LRP4: variants seen among roughly 807,000 people sequenced by gnomAD.
The protein encoded by LRP4 is low-density lipoprotein receptor-related protein 4.
LRP4 carries 95 observed loss-of-function variants against 220.3 expected under a neutral mutation model. The observed-to-expected ratio is 0.43, with a 90% CI of 0.37 to 0.51. The LOEUF (loss-of-function observed/expected upper bound fraction) is 0.51. Among genes scored for constraint, LRP4 ranks in the 20% least tolerant of loss-of-function variants. The pLI, the probability that LRP4 is intolerant of heterozygous loss-of-function variation, is 0.00. For synonymous variants in LRP4, 903 were observed against 954.6 expected (o/e 0.95, Z 1.00); for missense variants, 1,925 against 2,567.0 (o/e 0.75, Z 5.40).
At position 46,889,495 on chromosome 11, in the gene LRP4, G is replaced by A. The variant is rs372566777; in HGVS notation, c.2131C>T (p.His711Tyr). ...TTCTGGCCACTGGGCAGACACAGGT[G>A]CGTGCAGCCTCCGTTGTTGTCCCCA... ...RCGDNNGGCTHLCLPSGQNYT... is the reference protein window; with the variant it reads ...RCGDNNGGCTYLCLPSGQNYT... The change falls in exon 16 of 38, where the codon CAC (histidine) becomes TAC (tyrosine). Residue 711 changes from histidine to tyrosine, a missense_variant. Transcript: ENST00000378623. 6.2e-7 allele frequency: 1 copy of A among 1,614,082 alleles called. No homozygotes were observed. The highest frequency in any genetic ancestry group is 8.5e-7 in the Non-Finnish European group (1 of 1,180,024).
chr11:46,896,395 A>G, intron 8 of LRP4, 60 bp from the exon 9 acceptor site: 2 of 1,599,050 alleles, frequency 1.3e-6, no homozygotes, highest in Non-Finnish European at 1.7e-6. Context: ...AAGAGATGGG[A>G]GCCTGTCATT....
chr11:46,899,170 AGCC>A lies in LRP4; in HGVS notation c.548-141_548-139del. On this transcript the variant is annotated intron_variant, in intron 5 of 37. Transcript: ENST00000378623. The surrounding 1 kb of genome is among the most constrained non-coding windows in gnomAD (Gnocchi z 5.9). ...GATGTAACCAGGTTTCATCTGGGAC[AGCC>A]CTTATAGACGCCCATATTCAGGTGG... 2.1e-6 allele frequency: 2 copies of A among 943,832 alleles called. No individual in the cohort carries two copies. The highest frequency in any genetic ancestry group is 3.3e-6 in the Non-Finnish European group (2 of 607,674). The allele number at this position is 943,832 out of a possible 1,614,324, so 58.5% of individuals were successfully genotyped here.
In LRP4 at chr11:46,890,428, T is replaced by C. The variant is rs776174703; in HGVS notation, c.1764A>G (p.Gly588=). 3 of 1,613,828 alleles carry C rather than the reference T, an allele frequency of 1.9e-6. No individual in the cohort carries two copies. The African/African-American group carries it at 4.0e-5, about 22-fold the overall frequency. Reference sequence around the variant, plus strand: ...GATGGGTATCGGCAATGATGCGGCGTCCAGAGCCATCCATGCTGGAGGCCT... The same window carrying C: ...GATGGGTATCGGCAATGATGCGGCGCCCAGAGCCATCCATGCTGGAGGCCT... ...RIEASSMDGS[G]RRIIADTHLF... The change falls in exon 14 of 38, where the codon GGA becomes GGG. Residue 588 remains glycine (G), a synonymous_variant. Coordinates refer to ENST00000378623, the MANE Select transcript of LRP4 (RefSeq NM_002334.4). The surrounding 1 kb of genome is among the most constrained non-coding windows in gnomAD (Gnocchi z 5.3).
At chr11:46,889,310 G>GA in intron 16 of LRP4, 101 bp downstream of exon 16, 1 of 1,522,460 alleles carries the variant, frequency 6.6e-7, no homozygotes, top group Non-Finnish European at 9.0e-7. Context: ...GAGGAATGTG[G>GA]TTTTTCCCAT....
intron 8 of LRP4, 65 bp downstream of exon 8, chr11:46,896,804 C>A (rs1343175202): frequency 1.2e-6 from 2 of 1,610,854 alleles, no homozygotes; most frequent in East Asian, 4.5e-5. Context: ...ACCAAAGCAC[C>A]CTCTTTTCCA....
rs1486932718 is a variant in LRP4, at chr11:46,899,864, A to G, written c.429T>C (p.Cys143=). The change falls in exon 4 of 38, where the codon TGT becomes TGC. Residue 143 remains cysteine, a splice_region_variant and synonymous_variant. Transcript: ENST00000378623. This position sits in a 1 kb window ranked among gnomAD's most constrained non-coding sequence, Gnocchi z 5.9. The part of the protein sequence containing the change: ...NDCGDNSDEQ[C]DMRKCSDKEF... ...CCTTCCCCCGTTGGGGTCACCCACCACACTGCTCATCGCTGTTGTCGCCAC... is the reference window on the plus strand; with the variant it reads ...CCTTCCCCCGTTGGGGTCACCCACCGCACTGCTCATCGCTGTTGTCGCCAC... 4 of 1,613,538 alleles carry G rather than the reference A, an allele frequency of 2.5e-6. No homozygotes were observed. The African/African-American group carries it at 5.3e-5, about 22-fold the overall frequency.
At chr11:46,883,691 G>A (rs187265801) in intron 19 of LRP4, among the ~76,000 whole-genome samples, 180 bp downstream of exon 19, 1 of 152,296 alleles carries the variant, frequency 6.6e-6, no homozygotes, top group East Asian at 1.9e-4. Flanking sequence ...TAGCACCACT[G>A]GGTTAGGGTC....
chr11:46,904,782 G>C (rs1484450106), intron 1 of LRP4, among the ~76,000 whole-genome samples: 1 of 151,870 alleles, frequency 6.6e-6, no homozygotes, highest in African/African-American at 2.4e-5. Context: ...CCAGCCCGGG[G>C]AACATGGCAA....
chr11:46,881,466 C>T (rs993730360), intron 20 of LRP4, among the ~76,000 whole-genome samples: 1 of 152,214 alleles, frequency 6.6e-6, no homozygotes, highest in Non-Finnish European at 1.5e-5. Flanking sequence ...ACAATCCACA[C>T]AAGTCCCTAG....
intron 19 of LRP4, 130 bp from the exon 20 acceptor site, chr11:46,882,033 C>T (rs2134816356): frequency 1.2e-6 from 1 of 821,798 alleles, no homozygotes; most frequent in Non-Finnish European, 2.1e-6. Context: ...CATCAGTGTC[C>T]AGCCCAGCTC....
Position 46,887,369 on chromosome 11 carries a change from C to T in LRP4, c.2216-836G>A, listed in dbSNP as rs529344822. On this transcript the variant is annotated intron_variant, in intron 16 of 37. Transcript: ENST00000378623. ...AGGGGGCTTTACTTCTTGCATCTCA[C>T]TAAGACAACAGGGGAAGCGCTGGAC... Among the ~76,000 whole-genome samples the T allele has an allele frequency of 4.6e-5, 7 of 152,244 alleles. No homozygotes were observed. In the South Asian group the frequency reaches 8.3e-4, roughly 18 times the overall value.
intron 1 of LRP4, among the ~76,000 whole-genome samples, chr11:46,903,407 T>C (rs1051106755): frequency 3.9e-5 from 6 of 152,040 alleles, no homozygotes; most frequent in Non-Finnish European, 8.8e-5. Flanking sequence ...GGTGGGAGGA[T>C]TGCTTGAACC....
rs1565785808 is a variant in LRP4, at chr11:46,879,113, A to AAGG, written c.3004+10_3004+12dup. On this transcript the variant is annotated intron_variant, in intron 21 of 37. Coordinates refer to ENST00000378623, the MANE Select transcript of LRP4 (RefSeq NM_002334.4). ...GGCCACGGAGAAGCCAATGCGAGCC[A>AAGG]AGGGCTGCTCACCTGGGGGCCGGCG... The AAGG allele has an allele frequency of 6.2e-7, 1 of 1,614,232 alleles. No individual in the cohort carries two copies. The highest frequency in any genetic ancestry group is 2.2e-5 in the East Asian group (1 of 44,884).
At chr11:46,871,246 T>A (rs1592518323) in intron 31 of LRP4, among the ~76,000 whole-genome samples, 1 of 152,136 alleles carries the variant, frequency 6.6e-6, no homozygotes, top group East Asian at 1.9e-4. Context: ...AGTCAGGGCC[T>A]AGGAACCTGC....
intron 1 of LRP4, among the ~76,000 whole-genome samples, chr11:46,905,360 TG>T (rs1941742944): frequency 6.6e-6 from 1 of 152,216 alleles, no homozygotes; most frequent in Non-Finnish European, 1.5e-5. Context: ...CTCCATGTGA[TG>T]GGACTCCCCG....
chr11:46,904,866 C>CT (rs910954543), intron 1 of LRP4, among the ~76,000 whole-genome samples: 88 of 148,504 alleles, frequency 5.9e-4, no homozygotes, highest in African/African-American at 2.0e-3. Context: ...CTCTCAGCTA[C>CT]TTGGGAGCAT....
chr11:46,917,396 G>A (rs1941962841), intron 1 of LRP4, among the ~76,000 whole-genome samples: 1 of 152,186 alleles, frequency 6.6e-6, no homozygotes, highest in Non-Finnish European at 1.5e-5. Flanking sequence ...AGGGAAAGCT[G>A]CTCAATCACG....
intron 19 of LRP4, 53 bp from the exon 20 acceptor site, chr11:46,881,956 G>A: frequency 6.4e-7 from 1 of 1,564,048 alleles, no homozygotes. Flanking sequence ...TATCCAGCAG[G>A]GACTCAGAGT....
intron 30 of LRP4, among the ~76,000 whole-genome samples, chr11:46,871,962 AAG>A (rs2134785245): frequency 6.6e-6 from 1 of 152,276 alleles, no homozygotes; most frequent in East Asian, 1.9e-4. Flanking sequence ...GGTCTTTAAG[AAG>A]AGAGCTCACT....
Sources: gnomAD v4.1 joint callset for allele counts (sites outside exome capture counted in the v4.1 genomes callset) on GRCh38, gnomAD v4.1.1 for gene constraint, Gnocchi (gnomAD v3.1) non-coding constraint, MANE v1.5 for transcripts, NCBI Gene and HGNC (gene_info 2026-07-23, HGNC 2026-07-21) for gene names.